Variants in FTO observed in about 807,000 individuals in gnomAD.
FTO encodes FTO alpha-ketoglutarate dependent dioxygenase.
A neutral mutation model predicts 63.9 loss-of-function variants in FTO; 47 were observed. That is an observed-to-expected ratio of 0.74 (90% CI 0.58 to 0.94). The LOEUF (loss-of-function observed/expected upper bound fraction) is 0.94, where lower values mean the gene tolerates loss of function less well. FTO is among the 40% of genes least tolerant of loss of function. The probability of loss-of-function intolerance (pLI) is 0.00; values close to 1 mark genes in which losing one functional copy is unlikely to be tolerated. For synonymous variants in FTO, 207 were observed against 224.4 expected (o/e 0.92, Z 0.69); for missense variants, 562 against 618.1 (o/e 0.91, Z 0.96).
intron 1 of FTO, among the ~76,000 whole-genome samples, chr16:53,769,800 G>T (rs1188797780): frequency 2.6e-5 from 4 of 152,014 alleles, no homozygotes; most frequent in Non-Finnish European, 5.9e-5. Context: ...AGGTAAACAG[G>T]GTGGTAGGAC....
intron 1 of FTO, 62 bp downstream of exon 1, chr16:53,704,291 G>T (rs774799921): frequency 3.3e-5 from 50 of 1,509,378 alleles, no homozygotes; most frequent in Non-Finnish European, 4.3e-5. Flanking sequence ...CAGGGAACCG[G>T]AAGGGCTTGG....
At chr16:53,885,790 C>T (rs781103248) in intron 6 of FTO, among the ~76,000 whole-genome samples, 7 of 152,130 alleles carry the variant, frequency 4.6e-5, no homozygotes, top group Non-Finnish European at 5.9e-5. Flanking sequence ...ACTGTGTTGC[C>T]CAGACTGGAG....
intron 3 of FTO, among the ~76,000 whole-genome samples, chr16:53,832,666 A>G (rs1023072862): frequency 5.9e-5 from 9 of 152,182 alleles, no homozygotes; most frequent in African/African-American, 2.2e-4. Context: ...TAGCATAGTT[A>G]TTTTGAGATT....
intron 1 of FTO, among the ~76,000 whole-genome samples, chr16:53,808,618 A>C (rs2078433770): frequency 6.6e-6 from 1 of 152,078 alleles, no homozygotes; most frequent in Middle Eastern, 3.2e-3. Context: ...TGGGTTTGTG[A>C]GAGAAGGCTG....
intron 1 of FTO, among the ~76,000 whole-genome samples, chr16:53,801,293 G>A (rs1260169987): frequency 6.6e-6 from 1 of 151,358 alleles, no homozygotes; most frequent in African/African-American, 2.4e-5. Context: ...TATCGTATCG[G>A]AATCTTTCTT....
chr16:53,821,730 T>A (rs1335256802), intron 2 of FTO, among the ~76,000 whole-genome samples: 1 of 152,214 alleles, frequency 6.6e-6, no homozygotes, highest in Admixed American at 6.5e-5. Context: ...TTCATTTTTC[T>A]TCTGCATACT....
chr16:54,085,013 G>C (rs1317169856), intron 8 of FTO, among the ~76,000 whole-genome samples: 2 of 151,644 alleles, frequency 1.3e-5, no homozygotes, highest in Non-Finnish European at 2.9e-5. Context: ...CCAAGGTAAT[G>C]TATTGGCAAA....
In FTO at chr16:53,707,541, A is replaced by C. The variant is rs1035588066; in HGVS notation, c.45+3312A>C. Among the ~76,000 whole-genome samples, 37 of 152,202 alleles carry C rather than the reference A, an allele frequency of 2.4e-4. 1 individual carries two copies. Among genetic ancestry groups the C allele is most frequent in the African/African-American group, 8.2e-4 (34 of 41,454 alleles). ...ATTCAAATGCACTGCACCCTTTTAC[A>C]TTCCTACCAACTGTTAGTAGGAATG... On this transcript the variant is annotated intron_variant, in intron 1 of 8. Coordinates refer to ENST00000471389, the MANE Select transcript of FTO (RefSeq NM_001080432.3).
At chr16:53,730,655 C>T (rs974449009) in intron 1 of FTO, among the ~76,000 whole-genome samples, 4 of 152,008 alleles carry the variant, frequency 2.6e-5, no homozygotes, top group African/African-American at 7.2e-5. Flanking sequence ...CCACCATGCC[C>T]GGCTAATTTT....
chr16:54,082,121 A>G (rs2144514896), intron 8 of FTO, among the ~76,000 whole-genome samples: 1 of 152,322 alleles, frequency 6.6e-6, no homozygotes, highest in South Asian at 2.1e-4. Flanking sequence ...ATTCATGAAG[A>G]TGTTATGAGG....
chr16:54,008,866 G>T (rs1347241268), intron 8 of FTO, among the ~76,000 whole-genome samples: 25 of 149,508 alleles, frequency 1.7e-4, no homozygotes, highest in African/African-American at 6.2e-4. Context: ...TAATAAATTA[G>T]CTGGATGTGG....
At chr16:53,923,558 TG>T (rs2082059800) in intron 7 of FTO, among the ~76,000 whole-genome samples, 1 of 152,184 alleles carries the variant, frequency 6.6e-6, no homozygotes, top group Non-Finnish European at 1.5e-5. Context: ...GTAGGGGCAG[TG>T]GGGTTGCAGG....
rs1414290200 is a variant in FTO, at chr16:54,109,352, A to C, written c.1365-2410A>C. ...TTTTTTCTTCTTCTTCTTCTTTTGG[A>C]AAGAGTCTTGCTCTGTTGCCCAGGC... On this transcript the variant is annotated intron_variant, in intron 8 of 8. Transcript: ENST00000471389. Among the ~76,000 whole-genome samples the C allele has an allele frequency of 2.6e-5, 4 of 152,022 alleles. No individual in the cohort carries two copies. The East Asian group carries it at 5.8e-4, about 22-fold the overall frequency.
chr16:53,782,079 C>T (rs542559289), intron 1 of FTO, among the ~76,000 whole-genome samples: 5 of 152,190 alleles, frequency 3.3e-5, no homozygotes, highest in Non-Finnish European at 5.9e-5. Flanking sequence ...GACAAGTGCC[C>T]GTATACCCAG....
At chr16:53,731,273 G>C (rs776312298) in intron 1 of FTO, among the ~76,000 whole-genome samples, 1 of 152,180 alleles carries the variant, frequency 6.6e-6, no homozygotes, top group East Asian at 1.9e-4. Context: ...GTAGGCTGTG[G>C]TTTAGTGATT....
chr16:54,052,945 A>G lies in FTO; in HGVS notation c.1365-58817A>G, dbSNP rs572096944. Among the ~76,000 whole-genome samples, 6 of 152,064 alleles carry G rather than the reference A, an allele frequency of 3.9e-5. No individual in the cohort carries two copies. The South Asian group carries it at 6.3e-4, about 16-fold the overall frequency. On this transcript the variant is annotated intron_variant, in intron 8 of 8. Coordinates refer to ENST00000471389, the MANE Select transcript of FTO (RefSeq NM_001080432.3). The stretch of plus-strand genomic sequence containing the variant: ...TCGAACTCTTGACCTCAGGAGATCC[A>G]CCCACCTCAGCCTCCCAAAGTGCTG...
chr16:53,994,934 A>C (rs1402352611), intron 8 of FTO, among the ~76,000 whole-genome samples: 5 of 151,550 alleles, frequency 3.3e-5, no homozygotes, highest in Non-Finnish European at 4.4e-5. Flanking sequence ...GGGTTTCACC[A>C]TGTTGGCCAG....
intron 1 of FTO, among the ~76,000 whole-genome samples, chr16:53,753,738 T>G (rs543857517): frequency 2.0e-5 from 3 of 152,184 alleles, no homozygotes; most frequent in African/African-American, 7.2e-5. Flanking sequence ...AAAGAGCTCA[T>G]TGGGCCCTCT....
At chr16:53,879,207 T>C (rs2080754202) in intron 5 of FTO, among the ~76,000 whole-genome samples, 1 of 152,230 alleles carries the variant, frequency 6.6e-6, no homozygotes, top group African/African-American at 2.4e-5. Flanking sequence ...GATGTTGTAG[T>C]ATATATAGAA....
Sources: allele counts gnomAD v4.1 joint callset (sites outside exome capture counted in the v4.1 genomes callset), GRCh38; gene constraint gnomAD v4.1.1; transcripts MANE v1.5; gene names NCBI Gene and HGNC (gene_info 2026-07-23, HGNC 2026-07-21).